Variants in MRC1 observed in about 807,000 individuals in gnomAD.
The protein encoded by MRC1 is macrophage mannose receptor 1.
In MRC1, 62 loss-of-function variants were observed where a neutral mutation model predicts 102.9. That is an observed-to-expected ratio of 0.60 (90% CI 0.49 to 0.74). MRC1 has a LOEUF of 0.74. MRC1 is among the 30% of genes least tolerant of loss of function. The pLI, the probability that MRC1 is intolerant of heterozygous loss-of-function variation, is 0.00. For missense variants in MRC1, 1,237 were observed against 862.8 expected, an observed-to-expected ratio of 1.43 and a Z score of -5.43; for synonymous variants, 457 against 298.4, an observed-to-expected ratio of 1.53 and a Z score of -5.48.
chr10:17,894,520 C>T (rs1833727847), intron 23 of MRC1, among the ~76,000 whole-genome samples: 1 of 151,446 alleles, frequency 6.6e-6, no homozygotes, highest in Non-Finnish European at 1.5e-5. Context: ...CTGCTTTAGC[C>T]TCCTGAGTAG....
At chr10:17,850,189 T>C (rs34534206) in intron 7 of MRC1, among the ~76,000 whole-genome samples, 61,083 of 151,224 alleles carry the variant, frequency 0.4, 12,619 homozygotes, top group East Asian at 0.52. Context: ...TTTCAGACTT[T>C]AGATTTCTTT....
intron 23 of MRC1, among the ~76,000 whole-genome samples, chr10:17,897,463 A>G (rs1410542015): frequency 1.3e-5 from 2 of 152,198 alleles, no homozygotes; most frequent in Non-Finnish European, 2.9e-5. Flanking sequence ...AAAATCATCA[A>G]GAGTAAAGCT....
Position 17,828,883 on chromosome 10 carries a change from G to A in MRC1, c.637+1168G>A, listed in dbSNP as rs951218233. Among the ~76,000 whole-genome samples the A allele has an allele frequency of 4.0e-5, 6 of 151,414 alleles. 1 individual carries two copies. Among genetic ancestry groups the A allele is most frequent in the Admixed American group, 1.3e-4 (2 of 15,246 alleles). ...AGTGAAGCACATTTTAGGTGGAGTG[G>A]AGGAGGGCGTCATGTTGAAGGCAGA... On this transcript the variant is annotated intron_variant, in intron 3 of 29. Coordinates refer to ENST00000569591, the MANE Select transcript of MRC1 (RefSeq NM_002438.4).
chr10:17,812,572 T>G (rs1169192723), intron 1 of MRC1, among the ~76,000 whole-genome samples: 1 of 143,312 alleles, frequency 7.0e-6, no homozygotes, highest in Non-Finnish European at 1.5e-5. Flanking sequence ...GTAGGCTTTT[T>G]TTTTTTTTTT....
intron 26 of MRC1, among the ~76,000 whole-genome samples, chr10:17,903,351 T>G (rs1437712151): frequency 6.6e-6 from 1 of 151,502 alleles, no homozygotes; most frequent in East Asian, 1.9e-4. Context: ...TAATTTCTTG[T>G]GTACCATCAT....
At chr10:17,823,569 G>A (rs1217337679) in intron 2 of MRC1, 94 bp downstream of exon 2, 29 of 768,426 alleles carry the variant, frequency 3.8e-5, no homozygotes, top group East Asian at 1.7e-4. Flanking sequence ...CTTGTTTGGC[G>A]TGTACTAGAA....
chr10:17,892,250 A>C (rs1833689656), intron 22 of MRC1, among the ~76,000 whole-genome samples: 1 of 151,810 alleles, frequency 6.6e-6, no homozygotes, highest in Admixed American at 6.6e-5. Flanking sequence ...TGGAAGGAAA[A>C]CTCAAAAAAC....
At chr10:17,878,293 T>C (rs910474581) in intron 18 of MRC1, among the ~76,000 whole-genome samples, 1 of 152,188 alleles carries the variant, frequency 6.6e-6, no homozygotes, top group Non-Finnish European at 1.5e-5. Context: ...TTTAAAAAAT[T>C]ATAATCCCAT....
intron 4 of MRC1, among the ~76,000 whole-genome samples, chr10:17,836,041 A>T (rs1838657407): frequency 6.6e-6 from 1 of 152,216 alleles, no homozygotes; most frequent in Admixed American, 6.5e-5. Flanking sequence ...AGCTCTGTGA[A>T]ACTGGGGGAG....
intron 1 of MRC1, among the ~76,000 whole-genome samples, chr10:17,814,959 C>A (rs1480014763): frequency 6.6e-6 from 1 of 152,068 alleles, no homozygotes; most frequent in Non-Finnish European, 1.5e-5. Flanking sequence ...AGCCACCGTG[C>A]CTGGCCGGTC....
rs975487388 is a variant in MRC1 at position 17,875,112 on chromosome 10, G to T, written c.2409G>T (p.Gly803=). 6.4e-6 allele frequency: 5 copies of T among 780,694 alleles called. No homozygotes were observed. In the African/African-American group the frequency reaches 8.5e-5, roughly 13 times the overall value. 48.4% of individuals were successfully genotyped at this position (780,694 alleles called of 1,614,324 possible). The change falls in exon 17 of 30, where the codon GGG becomes GGT. Residue 803 remains glycine, a synonymous_variant. Transcript: ENST00000569591. ...PQDNPPVTED[G]WVIYKDYQYY... ...CAGATCCACCAGTTACTGAAGATGGGTGGGTTATTTACAAAGACTACCAGT... is the reference window on the plus strand; with the variant it reads ...CAGATCCACCAGTTACTGAAGATGGTTGGGTTATTTACAAAGACTACCAGT...
At chr10:17,821,336 C>T (rs1257298275) in intron 1 of MRC1, among the ~76,000 whole-genome samples, 4 of 152,150 alleles carry the variant, frequency 2.6e-5, no homozygotes, top group Middle Eastern at 3.2e-3. Flanking sequence ...AGCTAAAAAC[C>T]TAGGAATCTT....
chr10:17,836,472 A>C (rs1413186667), intron 4 of MRC1, among the ~76,000 whole-genome samples: 1 of 152,196 alleles, frequency 6.6e-6, no homozygotes. Context: ...TAGATGATTA[A>C]GGAATAGAAA....
chr10:17,818,514 G>A (rs1838346280), intron 1 of MRC1, among the ~76,000 whole-genome samples: 1 of 152,154 alleles, frequency 6.6e-6, no homozygotes. Flanking sequence ...AGCCTGCTAC[G>A]ATGTTGACAC....
intron 26 of MRC1, 131 bp downstream of exon 26, chr10:17,902,253 T>A (rs2130719295): frequency 1.6e-6 from 1 of 631,652 alleles, no homozygotes; most frequent in Middle Eastern, 4.5e-4. Context: ...TATAACAGAA[T>A]GGCCAATATC....
At chr10:17,885,578 G>T in intron 22 of MRC1, 143 bp downstream of exon 22, 1 of 669,172 alleles carries the variant, frequency 1.5e-6, no homozygotes, top group Non-Finnish European at 2.7e-6. Flanking sequence ...ATTTCAGACT[G>T]AGCTGACTTT....
chr10:17,873,593 A>G (rs1483327338), intron 15 of MRC1, among the ~76,000 whole-genome samples, 191 bp from the exon 16 acceptor site: 1 of 151,500 alleles, frequency 6.6e-6, no homozygotes, highest in Non-Finnish European at 1.5e-5. Flanking sequence ...TTAATTCTTC[A>G]CTTCTTATTC....
rs1833185665 is a variant in MRC1, at chr10:17,861,672, C to T, written c.1634+170C>T. On this transcript the variant is annotated intron_variant, in intron 10 of 29. Transcript: ENST00000569591. ...TCTTATTTGGATTCTTCATTGCAAA[C>T]ATTACAAACCGTTTTTGCTAAATTT... 4.6e-5 allele frequency among the ~76,000 whole-genome samples: 7 copies of T among 152,094 alleles called. No homozygotes were observed. The South Asian group carries it at 1.4e-3, about 31-fold the overall frequency.
At chr10:17,817,066 G>T (rs1487844264) in intron 1 of MRC1, among the ~76,000 whole-genome samples, 1 of 152,022 alleles carries the variant, frequency 6.6e-6, no homozygotes, top group African/African-American at 2.4e-5. Flanking sequence ...TGGCCAACAT[G>T]GTGAAACCTC....
Sources: gnomAD v4.1 joint callset for allele counts (sites outside exome capture counted in the v4.1 genomes callset) on GRCh38, gnomAD v4.1.1 for gene constraint, MANE v1.5 for transcripts, NCBI Gene and HGNC (gene_info 2026-07-23, HGNC 2026-07-21) for gene names.